The following KAZN variants were observed in gnomAD, a reference collection of about 807,000 sequenced individuals.
KAZN encodes the protein kazrin, periplakin interacting protein, also known as kazrin.
Under a neutral mutation model 87.4 loss-of-function variants are expected in KAZN, and 40 were observed. The observed-to-expected ratio is 0.46, with a 90% confidence interval of 0.36 to 0.60. The LOEUF (loss-of-function observed/expected upper bound fraction) is 0.60. KAZN is among the 20% of genes least tolerant of loss of function. The pLI is 0.00. For synonymous variants in KAZN, 466 were observed against 458.3 expected, an observed-to-expected ratio of 1.02 and a Z score of -0.22; for missense variants, 898 against 1,073.9, an observed-to-expected ratio of 0.84 and a Z score of 2.29.
At chr1:14,883,412 A>AAAGAAAGAAAGG in intron 1 of KAZN, among the ~76,000 whole-genome samples, 1 of 146,644 alleles carries the variant, frequency 6.8e-6, no homozygotes, top group Non-Finnish European at 1.5e-5. Context: ...AGAAAGAAAG[A>AAAGAAAGAAAGG]AAGAAAGAAA....
At chr1:14,278,425 G>A (rs565265737) in intron 2 of KAZN, among the ~76,000 whole-genome samples, 47 of 151,504 alleles carry the variant, frequency 3.1e-4, no homozygotes, top group African/African-American at 1.1e-3. Flanking sequence ...TGAGTAGCTG[G>A]ATTACAGGTA....
chr1:14,853,087 C>T (rs1649650130), intron 1 of KAZN, among the ~76,000 whole-genome samples: 1 of 152,204 alleles, frequency 6.6e-6, no homozygotes, highest in Admixed American at 6.5e-5. Context: ...CTCCAAAGTC[C>T]AGGCACATTC....
chr1:14,924,191 C>T, intron 1 of KAZN: 1 of 981,630 alleles, frequency 1.0e-6, no homozygotes, highest in Non-Finnish European at 1.2e-6. Context: ...CGCGGACCGC[C>T]CGGCGTCCGG....
chr1:14,366,478 CTGGCGGGAACTGGA>C (rs1660006099), intron 2 of KAZN, among the ~76,000 whole-genome samples: 1 of 152,248 alleles, frequency 6.6e-6, no homozygotes, highest in Non-Finnish European at 1.5e-5. Context: ...AAGCCCTTCA[CTGGCGGGAACTGGA>C]GGGCGGGCAC....
chr1:14,209,440 T>C (rs536665043), intron 2 of KAZN, among the ~76,000 whole-genome samples: 2 of 152,356 alleles, frequency 1.3e-5, no homozygotes, highest in African/African-American at 4.8e-5. Flanking sequence ...AGTAAAACCC[T>C]ATGCCTTCTG....
chr1:13,981,030 G>T (rs1380609033), intron 1 of KAZN, among the ~76,000 whole-genome samples: 1 of 137,778 alleles, frequency 7.3e-6, no homozygotes, highest in Non-Finnish European at 1.6e-5. Flanking sequence ...TTTGACAAAG[G>T]TGACATTATC....
intron 2 of KAZN, chr1:14,180,611 A>G: frequency 1.3e-6 from 2 of 1,536,314 alleles, no homozygotes; most frequent in Non-Finnish European, 1.8e-6. Context: ...ATCAATACAG[A>G]AATTCTCTAT....
At chr1:14,434,076 A>G (rs933449639) in intron 2 of KAZN, among the ~76,000 whole-genome samples, 5 of 152,176 alleles carry the variant, frequency 3.3e-5, no homozygotes, top group Non-Finnish European at 5.9e-5. Context: ...CCACCGGTGC[A>G]TGGTATTTTG....
chr1:14,380,563 G>A (rs572682680), intron 2 of KAZN, among the ~76,000 whole-genome samples: 7 of 152,224 alleles, frequency 4.6e-5, no homozygotes, highest in South Asian at 2.1e-4. Context: ...GTTGGAAAAC[G>A]CAATTAACAT....
At chr1:14,469,609 A>C (rs556847242) in intron 2 of KAZN, among the ~76,000 whole-genome samples, 8 of 152,324 alleles carry the variant, frequency 5.3e-5, no homozygotes, top group Admixed American at 1.3e-4. Context: ...GGCAGCATTA[A>C]CAAGTTAAAA....
At chr1:14,054,022 C>T (rs1452882852) in intron 1 of KAZN, among the ~76,000 whole-genome samples, 1 of 151,934 alleles carries the variant, frequency 6.6e-6, no homozygotes, top group African/African-American at 2.4e-5. Flanking sequence ...TCATTGTCTT[C>T]ATGTTGAATT....
At chr1:15,112,753 G>A (rs1171806611) in intron 14 of KAZN, 7 of 498,452 alleles carry the variant, frequency 1.4e-5, no homozygotes, top group Admixed American at 3.3e-5. Context: ...GCAGGGCTTC[G>A]AGTAGCACCT....
At chr1:14,074,495 G>A (rs892165033) in intron 1 of KAZN, among the ~76,000 whole-genome samples, 1 of 152,208 alleles carries the variant, frequency 6.6e-6, no homozygotes, top group South Asian at 2.1e-4. Flanking sequence ...AAAGCCTGTC[G>A]CAGTCTTAGA....
chr1:14,103,449 C>T (rs1225797574), intron 1 of KAZN, among the ~76,000 whole-genome samples: 1 of 152,186 alleles, frequency 6.6e-6, no homozygotes, highest in East Asian at 1.9e-4. Flanking sequence ...ATAACAGAAA[C>T]TTATTATCTT....
chr1:14,750,787 A>C (rs1644394049), intron 1 of KAZN, among the ~76,000 whole-genome samples: 1 of 152,142 alleles, frequency 6.6e-6, no homozygotes, highest in African/African-American at 2.4e-5. Context: ...GGTAGGCAGG[A>C]GTGTCTATGC....
chr1:14,794,298 G>A (rs1314381527), intron 1 of KAZN, among the ~76,000 whole-genome samples: 1 of 152,236 alleles, frequency 6.6e-6, no homozygotes, highest in African/African-American at 2.4e-5. Context: ...AAAAATTCCT[G>A]TGGCATCCAG....
At chr1:14,384,809 A>G (rs1661720861) in intron 2 of KAZN, among the ~76,000 whole-genome samples, 1 of 151,898 alleles carries the variant, frequency 6.6e-6, no homozygotes, top group South Asian at 2.1e-4. Context: ...CGGCTTTGGT[A>G]TCAGGATGAT....
At position 15,060,442 on chromosome 1, in the gene KAZN, T is replaced by C. The variant is rs1573222177; in HGVS notation, c.1047+140T>C. ...TCTGGCGAATGCATTTCCTGTTCTG[T>C]TCTTTCCTTTTGCAAGAAGCGATGG... On this transcript the variant is annotated intron_variant, in intron 6 of 14. Coordinates refer to ENST00000376030, the MANE Select transcript of KAZN (RefSeq NM_201628.3). 3 of 1,150,454 alleles carry C rather than the reference T, an allele frequency of 2.6e-6. No individual in the cohort carries two copies. In the East Asian group the frequency reaches 7.2e-5, roughly 28 times the overall value. The allele number at this position is 1,150,454 out of a possible 1,614,324, so 71.3% of individuals were successfully genotyped here. A position where few individuals can be genotyped will look rare whatever the true frequency, so the allele number is the denominator to read the frequency against.
At chr1:14,148,077 C>T (rs566481867) in intron 1 of KAZN, among the ~76,000 whole-genome samples, 8 of 151,616 alleles carry the variant, frequency 5.3e-5, no homozygotes, top group South Asian at 4.2e-4. Context: ...AAAAATTAGC[C>T]GGGTGTGGTG....
Sources: allele counts gnomAD v4.1 joint callset (sites outside exome capture counted in the v4.1 genomes callset), GRCh38; gene constraint gnomAD v4.1.1; transcripts MANE v1.5; gene names NCBI Gene and HGNC (gene_info 2026-07-23, HGNC 2026-07-21).